Variants in DOCK3 observed in about 807,000 individuals in gnomAD.
DOCK3 encodes dedicator of cytokinesis protein 3.
In DOCK3, 60 loss-of-function variants were observed where a neutral mutation model predicts 265.6. That is an observed-to-expected ratio of 0.23 (90% CI 0.18 to 0.28). The LOEUF is 0.28. Among genes scored for constraint, DOCK3 ranks in the 10% least tolerant of loss-of-function variants. The pLI is 1.00. For synonymous variants in DOCK3, 881 were observed against 938.0 expected (o/e 0.94, Z 1.11); for missense variants, 1,981 against 2,594.3 (o/e 0.76, Z 5.14).
rs148518771 is a variant in DOCK3, at chr3:50,874,981, G to A, written c.163-15045G>A. ...AGAAACAGAAAACCAAACACCACACGTTCTCACTCATAAGTGGGAGTTGAA... is the reference window on the plus strand; with the variant it reads ...AGAAACAGAAAACCAAACACCACACATTCTCACTCATAAGTGGGAGTTGAA... On this transcript the variant is annotated intron_variant, in intron 3 of 52. Coordinates refer to ENST00000266037, the MANE Select transcript of DOCK3 (RefSeq NM_004947.5). Among the ~76,000 whole-genome samples, 71 of 152,176 alleles carry A rather than the reference G, an allele frequency of 4.7e-4. 1 individual carries two copies. The highest frequency in any genetic ancestry group is 1.6e-3 in the Admixed American group (25 of 15,280).
chr3:51,103,142 C>G (rs951007123), intron 9 of DOCK3, among the ~76,000 whole-genome samples: 1 of 152,120 alleles, frequency 6.6e-6, no homozygotes, highest in African/African-American at 2.4e-5. Context: ...AAAACGATAT[C>G]TTTTTCTTTC....
At chr3:51,244,268 G>A (rs148040426) in intron 21 of DOCK3, among the ~76,000 whole-genome samples, 27 of 150,782 alleles carry the variant, frequency 1.8e-4, no homozygotes, top group African/African-American at 5.6e-4. Context: ...GGATTGCATT[G>A]AATCTGTAGA....
intron 25 of DOCK3, chr3:51,276,390 G>A: frequency 1.0e-6 from 1 of 985,376 alleles, no homozygotes; most frequent in Admixed American, 6.1e-5. Flanking sequence ...ATTGCTAAAG[G>A]AAGGAGAGAA....
At chr3:50,882,670 G>C (rs1186183239) in intron 3 of DOCK3, among the ~76,000 whole-genome samples, 1 of 152,202 alleles carries the variant, frequency 6.6e-6, no homozygotes, top group Non-Finnish European at 1.5e-5. Flanking sequence ...CTGTTGGTGG[G>C]ACTGTAAACT....
intron 9 of DOCK3, among the ~76,000 whole-genome samples, chr3:51,142,320 T>C (rs1576220003): frequency 6.6e-6 from 1 of 152,342 alleles, no homozygotes; most frequent in Middle Eastern, 3.4e-3. Context: ...TATATAGTTG[T>C]GAAACCATCA....
rs544820279 is a variant in DOCK3, at chr3:50,683,969, C to T, written c.37+8669C>T. On this transcript the variant is annotated intron_variant, in intron 1 of 52. Coordinates refer to ENST00000266037, the MANE Select transcript of DOCK3 (RefSeq NM_004947.5). ...GTGAGCCACCATGCCGGGTCTCTCT[C>T]CACATTTTCTATACTCTAGATATGC... Among the ~76,000 whole-genome samples, 3 of 151,746 alleles carry T rather than the reference C, an allele frequency of 2.0e-5. No homozygotes were observed. In the South Asian group the frequency reaches 6.3e-4, roughly 32 times the overall value.
chr3:50,691,275 C>T (rs2035222273), intron 1 of DOCK3, among the ~76,000 whole-genome samples: 1 of 146,166 alleles, frequency 6.8e-6, no homozygotes, highest in Non-Finnish European at 1.5e-5. Flanking sequence ...CAGAGCGAGA[C>T]TCTGTCTCAA....
At chr3:51,302,516 G>A (rs561976881) in intron 27 of DOCK3, among the ~76,000 whole-genome samples, 1 of 152,138 alleles carries the variant, frequency 6.6e-6, no homozygotes, top group South Asian at 2.1e-4. Flanking sequence ...TTGCTTCATA[G>A]TGTCATTGGC....
At chr3:51,367,510 T>C (rs1421731473) in intron 49 of DOCK3, among the ~76,000 whole-genome samples, 2 of 152,224 alleles carry the variant, frequency 1.3e-5, no homozygotes, top group Non-Finnish European at 2.9e-5. Context: ...AATATTGTTA[T>C]GTGTGAATTT....
intron 27 of DOCK3, among the ~76,000 whole-genome samples, chr3:51,307,200 A>G (rs1257302153): frequency 6.6e-6 from 1 of 152,050 alleles, no homozygotes; most frequent in African/African-American, 2.4e-5. Flanking sequence ...GCTCACTACA[A>G]CCTTGCCTGG....
intron 2 of DOCK3, among the ~76,000 whole-genome samples, chr3:50,806,719 T>C (rs1046640685): frequency 2.6e-5 from 4 of 151,994 alleles, no homozygotes; most frequent in African/African-American, 4.8e-5. Context: ...CTTGGCATAA[T>C]GAAGATGGAG....
chr3:51,262,008 CT>C (rs1437369246), intron 23 of DOCK3, among the ~76,000 whole-genome samples: 1 of 152,182 alleles, frequency 6.6e-6, no homozygotes, highest in East Asian at 1.9e-4. Context: ...TTAAATGTTC[CT>C]GCCTGCCGGC....
intron 4 of DOCK3, among the ~76,000 whole-genome samples, chr3:50,903,122 G>A (rs2049289570): frequency 6.6e-6 from 1 of 152,174 alleles, no homozygotes; most frequent in Non-Finnish European, 1.5e-5. Flanking sequence ...TGCAAACAAA[G>A]TTAATTTGAC....
At chr3:51,014,160 C>T (rs913074158) in intron 5 of DOCK3, among the ~76,000 whole-genome samples, 9 of 152,150 alleles carry the variant, frequency 5.9e-5, no homozygotes, top group African/African-American at 9.7e-5. Context: ...GCTCGCCCTC[C>T]GTCAGCTGCA....
rs1255549119 is a variant in DOCK3, at chr3:51,090,224, C to T, written c.592-6C>T. On this transcript the variant is annotated splice_region_variant and splice_polypyrimidine_tract_variant and intron_variant, in intron 8 of 52. Coordinates refer to ENST00000266037, the MANE Select transcript of DOCK3 (RefSeq NM_004947.5). ...AAAATCACTGGGTTTTTTTCTTCCT[C>T]ATTAGGTAGATACAATGCGCCCACG... 1.5e-5 allele frequency: 23 copies of T among 1,560,668 alleles called. No individual in the cohort carries two copies. Among genetic ancestry groups the T allele is most frequent in the African/African-American group, 2.7e-5 (2 of 72,794 alleles).
At chr3:51,151,724 G>A (rs2085608714) in intron 10 of DOCK3, among the ~76,000 whole-genome samples, 1 of 152,158 alleles carries the variant, frequency 6.6e-6, no homozygotes, top group African/African-American at 2.4e-5. Flanking sequence ...TTGCTTGTCT[G>A]TAAAGGATTT....
At chr3:51,090,543 C>T (rs142425426) in intron 9 of DOCK3, among the ~76,000 whole-genome samples, 159 bp downstream of exon 9, 364 of 152,260 alleles carry the variant, frequency 2.4e-3, no homozygotes, top group Non-Finnish European at 3.9e-3. Flanking sequence ...TCCCTGTGTG[C>T]CCTTAAGTCA....
At chr3:51,069,239 G>C (rs944644254) in intron 6 of DOCK3, among the ~76,000 whole-genome samples, 2 of 152,128 alleles carry the variant, frequency 1.3e-5, no homozygotes, top group African/African-American at 4.8e-5. Flanking sequence ...AAATTAACTA[G>C]TCATCATCTT....
chr3:51,311,851 T>C (rs1452817742), intron 28 of DOCK3, among the ~76,000 whole-genome samples, 153 bp from the exon 29 acceptor site: 1 of 152,242 alleles, frequency 6.6e-6, no homozygotes, highest in Non-Finnish European at 1.5e-5. Context: ...CTATAGAGTT[T>C]GTACCATTTT....
Sources: allele counts gnomAD v4.1 joint callset (sites outside exome capture counted in the v4.1 genomes callset), GRCh38; gene constraint gnomAD v4.1.1; transcripts MANE v1.5; gene names NCBI Gene and HGNC (gene_info 2026-07-23, HGNC 2026-07-21).